The following GRM4 variants were observed in gnomAD, a reference collection of about 807,000 sequenced individuals.
The protein encoded by GRM4 is glutamate metabotropic receptor 4, also known as metabotropic glutamate receptor 4.
In GRM4, 28 loss-of-function variants were observed where a neutral mutation model predicts 81.7. That is an observed-to-expected ratio of 0.34 (90% CI 0.25 to 0.47). GRM4 has a LOEUF of 0.47. Among genes scored for constraint, GRM4 ranks in the 20% least tolerant of loss-of-function variants. The probability of loss-of-function intolerance (pLI) is 1.00; values close to 1 mark genes in which losing one functional copy is unlikely to be tolerated. For missense variants in GRM4, 948 were observed against 1,290.0 expected (o/e 0.73, Z 4.06); for synonymous variants, 488 against 528.8 (o/e 0.92, Z 1.06).
intron 3 of GRM4, among the ~76,000 whole-genome samples, chr6:34,067,584 T>C (rs1486880331): frequency 2.9e-5 from 4 of 137,574 alleles, no homozygotes; most frequent in African/African-American, 2.9e-5. Flanking sequence ...CTCCCTCCTT[T>C]CCTCCCTCCC....
At chr6:34,118,746 A>C (rs1310547527) in intron 2 of GRM4, among the ~76,000 whole-genome samples, 2 of 152,204 alleles carry the variant, frequency 1.3e-5, no homozygotes, top group African/African-American at 2.4e-5. Context: ...TCACATGCTA[A>C]TTCCCAAGGT....
At chr6:34,149,309 C>G (rs943487322), upstream of GRM4, among the ~76,000 whole-genome samples, 2 of 152,226 alleles carry the variant, frequency 1.3e-5, no homozygotes, top group Non-Finnish European at 2.9e-5. Context: ...CAGCCATCAC[C>G]TCAGCCTCTG....
chr6:34,143,103 G>A (rs2026490), intron 1 of GRM4, among the ~76,000 whole-genome samples: 6,482 of 152,294 alleles, frequency 0.043, 217 homozygotes, highest in African/African-American at 0.093. Flanking sequence ...GCTAAGGTGC[G>A]GGGTGTGGGG....
chr6:34,112,928 G>A (rs574041547), intron 2 of GRM4, among the ~76,000 whole-genome samples: 6 of 152,120 alleles, frequency 3.9e-5, no homozygotes, highest in Non-Finnish European at 5.9e-5. Flanking sequence ...TTATGTTTTC[G>A]CCAGGGCCAT....
rs1046973726 is a variant in GRM4, at chr6:34,111,248, AC to A, written c.520-19150del. On this transcript the variant is annotated intron_variant, in intron 2 of 10. Transcript: ENST00000538487. The surrounding 1 kb of genome is among the most constrained non-coding windows in gnomAD (Gnocchi z 5.1). ...ATGGGTGCACTGAGCATCCCTAGAC[AC>A]CCCCACCCCACACACATTCAAGAGC... Among the ~76,000 whole-genome samples the A allele has an allele frequency of 4.6e-5, 7 of 150,626 alleles. No homozygotes were observed. The highest frequency in any genetic ancestry group is 2.0e-4 in the Admixed American group (3 of 15,126).
At chr6:34,052,568 C>T (rs1221857655) in intron 6 of GRM4, among the ~76,000 whole-genome samples, 5 of 152,218 alleles carry the variant, frequency 3.3e-5, no homozygotes, top group Non-Finnish European at 7.3e-5. Flanking sequence ...CAGGGCAGGC[C>T]TGTGGGACTG....
At chr6:34,116,871 C>T (rs1769621038) in intron 2 of GRM4, among the ~76,000 whole-genome samples, 1 of 152,122 alleles carries the variant, frequency 6.6e-6, no homozygotes. Context: ...AGACCCAACC[C>T]CAGGGGGTTC....
intron 3 of GRM4, among the ~76,000 whole-genome samples, chr6:34,087,386 T>C (rs1261799219): frequency 7.0e-6 from 1 of 142,048 alleles, no homozygotes; most frequent in Non-Finnish European, 1.5e-5. Flanking sequence ...GCCACTGCAC[T>C]CCAGCCTGGG....
rs1392413810 is a variant in GRM4 at position 34,069,735 on chromosome 6, CCA to C, written c.737-7709_737-7708del. Among the ~76,000 whole-genome samples, 1 of 151,594 alleles carries C rather than the reference CCA, an allele frequency of 6.6e-6. No homozygotes were observed. Among genetic ancestry groups the C allele is most frequent in the African/African-American group, 2.4e-5 (1 of 41,270 alleles). On this transcript the variant is annotated intron_variant, in intron 3 of 10. Transcript: ENST00000538487. The surrounding 1 kb of genome is among the most constrained non-coding windows in gnomAD (Gnocchi z 6.4). The stretch of plus-strand genomic sequence containing the variant: ...TCCCAGGAGGGTCTCCCTGATGCAC[CCA>C]GTGAATTTGGATTTACTGCAACATC...
chr6:34,149,768 G>C (rs1173986674), upstream of GRM4, among the ~76,000 whole-genome samples: 1 of 152,170 alleles, frequency 6.6e-6, no homozygotes, highest in Non-Finnish European at 1.5e-5. Flanking sequence ...CACCTCTCTG[G>C]GACTTTCTCC....
chr6:34,103,739 T>C (rs757744364), intron 2 of GRM4: 4 of 1,500,024 alleles, frequency 2.7e-6, no homozygotes, highest in African/African-American at 2.8e-5. Flanking sequence ...CCAACTCCCA[T>C]AGGTGAGAAG....
chr6:34,056,431 G>T, intron 6 of GRM4, 113 bp downstream of exon 6: 1 of 991,456 alleles, frequency 1.0e-6, no homozygotes, highest in Non-Finnish European at 1.5e-6. Flanking sequence ...TGCACGTCCT[G>T]CCACGGCCGG....
intron 3 of GRM4, among the ~76,000 whole-genome samples, chr6:34,082,495 C>T (rs182763918): frequency 9.9e-4 from 150 of 152,218 alleles, no homozygotes; most frequent in African/African-American, 3.5e-3. Context: ...CTCAGAGGTC[C>T]CCTGATGTGT....
At chr6:34,037,551 G>A (rs1284028924) in intron 8 of GRM4, among the ~76,000 whole-genome samples, 2 of 152,120 alleles carry the variant, frequency 1.3e-5, no homozygotes, top group African/African-American at 4.8e-5. Context: ...TGGTTGGGGG[G>A]TGTGGGGAGG....
At chr6:34,031,048 A>G (rs533318953) in intron 9 of GRM4, among the ~76,000 whole-genome samples, 6 of 152,324 alleles carry the variant, frequency 3.9e-5, no homozygotes, top group African/African-American at 1.2e-4. Context: ...CCCTCTGTGA[A>G]GGTACACATG....
chr6:34,055,289 C>CA (rs935673177), intron 6 of GRM4: 12 of 152,344 alleles, frequency 7.9e-5, no homozygotes, highest in African/African-American at 2.9e-4. Context: ...TCATGTGCCA[C>CA]AGGTGTATAC....
intron 1 of GRM4, among the ~76,000 whole-genome samples, chr6:34,139,891 C>T (rs183325571): frequency 1.0e-3 from 152 of 152,320 alleles, no homozygotes; most frequent in African/African-American, 3.3e-3. Context: ...GCTCTGAGCA[C>T]CCACTGTGCA....
chr6:34,063,924 G>A (rs1028292066), intron 3 of GRM4, among the ~76,000 whole-genome samples: 2 of 152,202 alleles, frequency 1.3e-5, no homozygotes, highest in African/African-American at 4.8e-5. Flanking sequence ...GAGCGGGAAG[G>A]AAGGCAGGAG....
In GRM4 at chr6:34,036,136, G is replaced by A; in HGVS notation, c.1974C>T (p.Phe658=). 2 of 1,614,232 alleles carry A rather than the reference G, an allele frequency of 1.2e-6. No individual in the cohort carries two copies. Among genetic ancestry groups the A allele is most frequent in the Non-Finnish European group, 1.7e-6 (2 of 1,180,040 alleles). Residue 658 remains phenylalanine (F), a synonymous_variant, in exon 9 of 11, where the codon TTC becomes TTT. Transcript: ENST00000538487. The surrounding 1 kb of genome is among the most constrained non-coding windows in gnomAD (Gnocchi z 9.0). ...DLGTCSLRRI[F]LGLGMSISYA... ...AGCTGATGCTCATCCCTAGTCCCAG[G>A]AAGATTCGGCGCAGCGAGCAGGTGC...
Sources: allele counts gnomAD v4.1 joint callset (sites outside exome capture counted in the v4.1 genomes callset), GRCh38; gene constraint gnomAD v4.1.1; non-coding constraint Gnocchi (gnomAD v3.1); transcripts MANE v1.5; gene names NCBI Gene and HGNC (gene_info 2026-07-23, HGNC 2026-07-21).